The following SPAG16 variants were observed in gnomAD, a reference collection of about 807,000 sequenced individuals.
SPAG16 encodes the protein sperm associated antigen 16.
SPAG16 carries 86 observed loss-of-function variants against 80.4 expected under a neutral mutation model. The ratio of observed to expected loss-of-function variants is 1.07; its 90% CI spans 0.90 to 1.28. SPAG16 has a LOEUF of 1.28. Ranked by LOEUF, SPAG16 falls within the 50% of genes most tolerant of loss-of-function variation. The probability of loss-of-function intolerance (pLI) is 0.00; values close to 1 mark genes in which losing one functional copy is unlikely to be tolerated. For synonymous variants in SPAG16, 294 were observed against 265.9 expected (o/e 1.11, Z -1.03); for missense variants, 870 against 765.3 (o/e 1.14, Z -1.61).
intron 14 of SPAG16, among the ~76,000 whole-genome samples, chr2:214,134,679 G>T (rs2054954671): frequency 6.6e-6 from 1 of 152,106 alleles, no homozygotes; most frequent in Non-Finnish European, 1.5e-5. Context: ...ATCTTCACTT[G>T]TTTTTCAGGA....
intron 15 of SPAG16, among the ~76,000 whole-genome samples, chr2:214,221,901 T>G (rs1195682082): frequency 6.6e-6 from 1 of 151,976 alleles, no homozygotes; most frequent in African/African-American, 2.4e-5. Context: ...CAGCCAATAC[T>G]GTTTAAGGAT....
At chr2:213,416,179 A>G (rs1035768524) in intron 9 of SPAG16, among the ~76,000 whole-genome samples, 2 of 152,194 alleles carry the variant, frequency 1.3e-5, no homozygotes, top group Admixed American at 6.5e-5. Context: ...GAAAGACTTG[A>G]CATTCTCTCA....
chr2:213,425,686 G>A (rs955094518), intron 9 of SPAG16, among the ~76,000 whole-genome samples: 2 of 148,294 alleles, frequency 1.3e-5, no homozygotes, highest in Admixed American at 1.3e-4. Flanking sequence ...GCAAATTGTT[G>A]CAGGAAAAGT....
intron 10 of SPAG16, among the ~76,000 whole-genome samples, chr2:213,575,063 C>T (rs2060076577): frequency 1.3e-5 from 2 of 152,198 alleles, no homozygotes; most frequent in East Asian, 3.9e-4. Flanking sequence ...TTTCTTGCTT[C>T]TCCCACAGAC....
chr2:213,783,334 A>G (rs2070135594), intron 10 of SPAG16, among the ~76,000 whole-genome samples: 1 of 130,490 alleles, frequency 7.7e-6, no homozygotes, highest in East Asian at 2.3e-4. Flanking sequence ...AAAAAAAAAA[A>G]TCTTAATGAC....
At position 214,041,620 on chromosome 2, in the gene SPAG16, C is replaced by G. The variant is rs543195233; in HGVS notation, c.1527+27543C>G. Among the ~76,000 whole-genome samples, 41 of 151,566 alleles carry G rather than the reference C, an allele frequency of 2.7e-4. 1 individual carries two copies. In the South Asian group the frequency reaches 6.0e-3, roughly 22 times the overall value. On this transcript the variant is annotated intron_variant, in intron 13 of 15. Coordinates refer to ENST00000331683, the MANE Select transcript of SPAG16 (RefSeq NM_024532.5). ...CTCTTATCTTGCTCAATCTAAATTT[C>G]TCTCTCGCTTCTTTTTCACTTCACC... is the stretch of plus-strand genomic sequence containing the variant.
At chr2:213,650,793 G>C (rs943211539) in intron 10 of SPAG16, among the ~76,000 whole-genome samples, 1 of 152,142 alleles carries the variant, frequency 6.6e-6, no homozygotes, top group African/African-American at 2.4e-5. Context: ...AAGAAAAGTA[G>C]GCTTAGTGGA....
intron 15 of SPAG16, among the ~76,000 whole-genome samples, chr2:214,358,409 C>T (rs558987860): frequency 2.0e-5 from 3 of 152,010 alleles, no homozygotes; most frequent in Non-Finnish European, 2.9e-5. Flanking sequence ...AGTTTTCCCT[C>T]ATGCCAAACT....
intron 14 of SPAG16, among the ~76,000 whole-genome samples, chr2:214,143,999 A>T (rs1483946359): frequency 6.6e-6 from 1 of 152,112 alleles, no homozygotes; most frequent in Non-Finnish European, 1.5e-5. Context: ...CTATAAAAAA[A>T]ATTTAAAAAT....
intron 15 of SPAG16, among the ~76,000 whole-genome samples, chr2:214,174,830 A>G (rs527763908): frequency 6.6e-6 from 1 of 151,802 alleles, no homozygotes; most frequent in African/African-American, 2.4e-5. Context: ...CTTTTGCACG[A>G]ATCTAAAATA....
intron 15 of SPAG16, among the ~76,000 whole-genome samples, chr2:214,202,932 C>T (rs1445288877): frequency 6.6e-6 from 1 of 152,170 alleles, no homozygotes; most frequent in Non-Finnish European, 1.5e-5. Context: ...TTCTGTGAAA[C>T]AGACCTGAGA....
Position 213,374,480 on chromosome 2 carries a change from A to G in SPAG16, c.833-530A>G, listed in dbSNP as rs1301264399. On this transcript the variant is annotated intron_variant, in intron 8 of 15. Transcript: ENST00000331683. The stretch of plus-strand genomic sequence containing the variant: ...GAGAGACTTTTTCTGTCAATTCCCC[A>G]CTCTCAAATGATTCCATTAAGACTG... Among the ~76,000 whole-genome samples the G allele has an allele frequency of 2.0e-5, 3 of 151,976 alleles. No homozygotes were observed. In the East Asian group the frequency reaches 5.8e-4, roughly 29 times the overall value.
At chr2:213,498,125 C>T (rs1206145185) in intron 10 of SPAG16, among the ~76,000 whole-genome samples, 1 of 152,044 alleles carries the variant, frequency 6.6e-6, no homozygotes, top group African/African-American at 2.4e-5. Context: ...ATTCATTATT[C>T]TGTTTAAATA....
chr2:214,038,977 A>G (rs907356988), intron 13 of SPAG16, among the ~76,000 whole-genome samples: 20 of 152,156 alleles, frequency 1.3e-4, no homozygotes, highest in African/African-American at 4.8e-4. Flanking sequence ...AGTCTTTGCT[A>G]TTGTGAATAG....
chr2:213,995,142 G>A (rs148838335), intron 12 of SPAG16, among the ~76,000 whole-genome samples: 40 of 152,278 alleles, frequency 2.6e-4, no homozygotes, highest in African/African-American at 9.4e-4. Context: ...TTAACTAGTT[G>A]CTCACCAAAG....
intron 10 of SPAG16, among the ~76,000 whole-genome samples, chr2:213,588,994 A>T (rs572034194): frequency 6.6e-5 from 10 of 152,088 alleles, no homozygotes; most frequent in Non-Finnish European, 1.2e-4. Flanking sequence ...TCCTTCTTGG[A>T]AAAATAAACC....
Position 213,678,695 on chromosome 2 carries a change from C to A in SPAG16, c.1071-183790C>A, listed in dbSNP as rs138297248. 2.1e-4 allele frequency among the ~76,000 whole-genome samples: 32 copies of A among 152,278 alleles called. No individual in the cohort carries two copies. The East Asian group carries it at 6.0e-3, about 29-fold the overall frequency. On this transcript the variant is annotated intron_variant, in intron 10 of 15. Transcript: ENST00000331683. ...CCCTCCTACTGCAGAAAGCTCACTTCCTGGCAGTGCCCAGTCACTGTTCCT... is the reference window on the plus strand; with the variant it reads ...CCCTCCTACTGCAGAAAGCTCACTTACTGGCAGTGCCCAGTCACTGTTCCT...
At chr2:213,286,243 T>C (rs1402859458) in intron 1 of SPAG16, among the ~76,000 whole-genome samples, 2 of 152,214 alleles carry the variant, frequency 1.3e-5, no homozygotes, top group Non-Finnish European at 2.9e-5. Context: ...GTTGTGTGAA[T>C]TATCCAACCC....
intron 11 of SPAG16, among the ~76,000 whole-genome samples, chr2:213,897,388 T>A (rs1407468050): frequency 1.3e-5 from 2 of 152,194 alleles, no homozygotes; most frequent in Non-Finnish European, 2.9e-5. Flanking sequence ...CTGCTTATTG[T>A]GCAGACTGGG....
Sources: allele counts gnomAD v4.1 joint callset (sites outside exome capture counted in the v4.1 genomes callset), GRCh38; gene constraint gnomAD v4.1.1; transcripts MANE v1.5; gene names NCBI Gene and HGNC (gene_info 2026-07-23, HGNC 2026-07-21).